Variants in SORT1 observed in about 807,000 individuals in gnomAD.
SORT1 encodes the protein sortilin.
Under a neutral mutation model 101.7 loss-of-function variants are expected in SORT1, and 39 were observed. The ratio of observed to expected loss-of-function variants is 0.38; its 90% CI spans 0.30 to 0.50. The LOEUF is 0.50. Among genes scored for constraint, SORT1 ranks in the 20% least tolerant of loss-of-function variants. The pLI, the probability that SORT1 is intolerant of heterozygous loss-of-function variation, is 0.90. For synonymous variants in SORT1, 396 were observed against 393.7 expected, an observed-to-expected ratio of 1.01 and a Z score of -0.07; for missense variants, 878 against 1,040.4, an observed-to-expected ratio of 0.84 and a Z score of 2.15.
At chr1:109,366,786 T>C (rs528310198) in intron 3 of SORT1, 1 of 152,198 alleles carries the variant, frequency 6.6e-6, no homozygotes, top group South Asian at 2.1e-4. Context: ...GTGCCTGTAA[T>C]GCCAGCCACT....
rs558359447 is a variant in SORT1, at chr1:109,353,302, T to C, written c.708+1065A>G. On this transcript the variant is annotated intron_variant, in intron 5 of 19. Coordinates refer to ENST00000256637, the MANE Select transcript of SORT1 (RefSeq NM_002959.7). Reference sequence around the variant, plus strand: ...CAGATTGAGCCATTGCACTCCAGCCTGGGCAAGAAGAGCAAAACTCTGTCT... The same window carrying C: ...CAGATTGAGCCATTGCACTCCAGCCCGGGCAAGAAGAGCAAAACTCTGTCT... 2.3e-4 allele frequency among the ~76,000 whole-genome samples: 30 copies of C among 131,036 alleles called. No homozygotes were observed. The South Asian group carries it at 4.5e-3, about 19-fold the overall frequency. 86.0% of individuals were successfully genotyped at this position (131,036 alleles called of 152,430 possible). A position where few individuals can be genotyped will look rare whatever the true frequency, so the allele number is the denominator to read the frequency against.
chr1:109,397,839 G>A lies in SORT1; in HGVS notation c.54C>T (p.Leu18=), dbSNP rs1653290762. Reference sequence around the variant, plus strand: ...GCAGCTGCAGGAGGAGGAGGAGGCCGAGGCCATGGGGCCAGCGCGAGAGGC... The same window carrying A: ...GCAGCTGCAGGAGGAGGAGGAGGCCAAGGCCATGGGGCCAGCGCGAGAGGC... ...ADGLSRWPHG[L]GLLLLLQLLP... Residue 18 remains leucine, a synonymous_variant, in exon 1 of 20, where the codon CTC becomes CTT. Transcript: ENST00000256637. 7.7e-7 allele frequency: 1 copy of A among 1,301,226 alleles called. No homozygotes were observed. 80.6% of individuals were successfully genotyped at this position (1,301,226 alleles called of 1,614,324 possible). A position where few individuals can be genotyped will look rare whatever the true frequency, so the allele number is the denominator to read the frequency against.
intron 1 of SORT1, among the ~76,000 whole-genome samples, chr1:109,384,946 C>T (rs1448869963): frequency 3.3e-5 from 5 of 152,116 alleles, no homozygotes; most frequent in Non-Finnish European, 5.9e-5. Flanking sequence ...GGTGTGGTGG[C>T]GTACACCTGT....
intron 11 of SORT1, among the ~76,000 whole-genome samples, chr1:109,331,717 T>A (rs1648466090): frequency 6.6e-6 from 1 of 151,816 alleles, no homozygotes; most frequent in Non-Finnish European, 1.5e-5. Context: ...ACAAAAAGCA[T>A]CCAAACCAGA....
chr1:109,369,557 G>A lies in SORT1; in HGVS notation c.339C>T (p.Ser113=). 1 of 1,610,240 alleles carries A rather than the reference G, an allele frequency of 6.2e-7. No individual in the cohort carries two copies. The highest frequency in any genetic ancestry group is 1.1e-5 in the South Asian group (1 of 91,002). ...CAGTGCTATCTCCAACCCAGGACAA[G>A]GATACTGAGCCTCTGAGATCATCAA... The part of the protein sequence containing the change: ...HVFDDLRGSV[S]LSWVGDSTGV... The change falls in exon 2 of 20, where the codon TCC becomes TCT. Residue 113 remains serine (S), a synonymous_variant. Coordinates refer to ENST00000256637, the MANE Select transcript of SORT1 (RefSeq NM_002959.7).
At chr1:109,371,049 C>T (rs541181809) in intron 1 of SORT1, among the ~76,000 whole-genome samples, 13 of 152,324 alleles carry the variant, frequency 8.5e-5, no homozygotes, top group Admixed American at 5.2e-4. Context: ...CCCTCTGGAC[C>T]GTAAGTACCT....
In SORT1 at chr1:109,313,997, G is replaced by A; in HGVS notation, c.*46C>T. ...GTTGGAGCCACAGGGAGTGTAAGAG[G>A]TACTGTGGTTCCACCATCCATGCTG... On this transcript the variant is annotated 3_prime_UTR_variant, in exon 20 of 20. Coordinates refer to ENST00000256637, the MANE Select transcript of SORT1 (RefSeq NM_002959.7). The A allele has an allele frequency of 1.3e-6, 2 of 1,589,730 alleles. No homozygotes were observed. The highest frequency in any genetic ancestry group is 1.7e-6 in the Non-Finnish European group (2 of 1,157,970).
intron 9 of SORT1, 36 bp downstream of exon 9, chr1:109,341,978 T>A: frequency 6.3e-7 from 1 of 1,595,778 alleles, no homozygotes; most frequent in Non-Finnish European, 8.6e-7. Flanking sequence ...CTTACATCTC[T>A]ATGCTTTTAA....
chr1:109,322,834 C>G, intron 15 of SORT1, 98 bp downstream of exon 15: 1 of 1,000,850 alleles, frequency 1.0e-6, no homozygotes, highest in Non-Finnish European at 1.5e-6. Flanking sequence ...GCCACCGCAC[C>G]CGGCTGGATT....
intron 1 of SORT1, among the ~76,000 whole-genome samples, chr1:109,390,710 G>T (rs1195227752): frequency 6.6e-6 from 1 of 151,806 alleles, no homozygotes; most frequent in Non-Finnish European, 1.5e-5. Context: ...CAATTGTACT[G>T]TGGAACCAGA....
chr1:109,363,006 T>TA (rs1650830186), intron 3 of SORT1, among the ~76,000 whole-genome samples: 2 of 152,144 alleles, frequency 1.3e-5, no homozygotes, highest in Non-Finnish European at 2.9e-5. Flanking sequence ...GTTATCCTTT[T>TA]AAAAAAATCT....
chr1:109,327,467 C>T, intron 12 of SORT1, 32 bp downstream of exon 12: 1 of 1,341,436 alleles, frequency 7.5e-7, no homozygotes, highest in Non-Finnish European at 1.1e-6. Flanking sequence ...GCCACTGTTC[C>T]AGTTGGAGGT....
chr1:109,337,984 A>G (rs1490058110), intron 10 of SORT1, among the ~76,000 whole-genome samples: 1 of 152,222 alleles, frequency 6.6e-6, no homozygotes, highest in African/African-American at 2.4e-5. Flanking sequence ...AAATATTGTG[A>G]AAAATACATT....
intron 2 of SORT1, 70 bp from the exon 3 acceptor site, chr1:109,367,551 T>A: frequency 1.0e-6 from 1 of 971,398 alleles, no homozygotes; most frequent in Admixed American, 1.9e-5. Flanking sequence ...GTGTTCGAGA[T>A]TAAGCCAACA....
chr1:109,334,826 G>GA (rs1648702184), intron 11 of SORT1, among the ~76,000 whole-genome samples: 1 of 151,918 alleles, frequency 6.6e-6, no homozygotes, highest in Non-Finnish European at 1.5e-5. Flanking sequence ...TAAAGCTGGG[G>GA]AAAAAAGAAA....
intron 1 of SORT1, among the ~76,000 whole-genome samples, chr1:109,394,372 C>A (rs1039493435): frequency 5.3e-5 from 8 of 151,768 alleles, no homozygotes; most frequent in African/African-American, 1.9e-4. Flanking sequence ...TGTAATAAAC[C>A]CAATGCACTT....
chr1:109,351,970 GT>G (rs1649997076), intron 5 of SORT1, among the ~76,000 whole-genome samples: 3 of 21,372 alleles, frequency 1.4e-4, no homozygotes, highest in Non-Finnish European at 5.6e-4. Flanking sequence ...GTAGGGGTGT[GT>G]GTGTGTGTGT....
intron 11 of SORT1, among the ~76,000 whole-genome samples, chr1:109,328,715 G>C (rs1648249104): frequency 6.6e-6 from 1 of 152,196 alleles, no homozygotes; most frequent in African/African-American, 2.4e-5. Flanking sequence ...TCTGAACAAT[G>C]TTTAAAGGCT....
intron 15 of SORT1, among the ~76,000 whole-genome samples, chr1:109,322,466 T>C (rs1205372169): frequency 2.0e-5 from 3 of 152,246 alleles, no homozygotes; most frequent in Non-Finnish European, 4.4e-5. Flanking sequence ...ACAATTCTGG[T>C]TTCCTTTCTC....
Sources: gnomAD v4.1 joint callset for allele counts (sites outside exome capture counted in the v4.1 genomes callset) on GRCh38, gnomAD v4.1.1 for gene constraint, MANE v1.5 for transcripts, NCBI Gene and HGNC (gene_info 2026-07-23, HGNC 2026-07-21) for gene names.